The following PALM2AKAP2 variants were observed in gnomAD, a reference collection of about 807,000 sequenced individuals.
PALM2AKAP2 encodes PALM2 and AKAP2 fusion.
In PALM2AKAP2, 37 loss-of-function variants were observed where a neutral mutation model predicts 71.5. The observed-to-expected ratio is 0.52, with a 90% CI of 0.40 to 0.68. The LOEUF (loss-of-function observed/expected upper bound fraction) is 0.68. PALM2AKAP2 is among the 30% of genes least tolerant of loss of function. The probability of loss-of-function intolerance (pLI) is 0.00; values close to 1 mark genes in which losing one functional copy is unlikely to be tolerated. For missense variants in PALM2AKAP2, 1,224 were observed against 1,191.8 expected (o/e 1.03, Z -0.40); for synonymous variants, 468 against 478.8 (o/e 0.98, Z 0.29).
At chr9:109,902,050 G>T (rs1830342197) in intron 3 of PALM2AKAP2, among the ~76,000 whole-genome samples, 1 of 152,070 alleles carries the variant, frequency 6.6e-6, no homozygotes, top group African/African-American at 2.4e-5. Context: ...TCTTTCCCCA[G>T]GGTTCCCAAA....
intron 1 of PALM2AKAP2, among the ~76,000 whole-genome samples, chr9:109,678,476 A>G (rs1022987414): frequency 2.0e-5 from 3 of 152,340 alleles, no homozygotes; most frequent in South Asian, 2.1e-4. Context: ...CTCAATTTCA[A>G]TTGCCTTTCT....
At chr9:110,110,509 G>A (rs890725081) in intron 1 of PALM2AKAP2, among the ~76,000 whole-genome samples, 4 of 150,176 alleles carry the variant, frequency 2.7e-5, no homozygotes, top group Admixed American at 1.3e-4. Flanking sequence ...AGATGTGGAC[G>A]TGGTGTTTAT....
chr9:109,904,173 G>T (rs1830391771), intron 3 of PALM2AKAP2, among the ~76,000 whole-genome samples: 1 of 152,142 alleles, frequency 6.6e-6, no homozygotes, highest in Non-Finnish European at 1.5e-5. Context: ...TTAAACATTA[G>T]CTCATTTAAG....
chr9:109,817,594 A>G (rs533188797), intron 1 of PALM2AKAP2, among the ~76,000 whole-genome samples: 124 of 152,302 alleles, frequency 8.1e-4, no homozygotes, highest in African/African-American at 2.7e-3. Context: ...TACAGTGTCT[A>G]TGGGTTGAAA....
At chr9:109,783,326 T>C (rs1826870230) in intron 1 of PALM2AKAP2, among the ~76,000 whole-genome samples, 1 of 151,732 alleles carries the variant, frequency 6.6e-6, no homozygotes, top group Admixed American at 6.6e-5. Flanking sequence ...TAATGACTTT[T>C]TTTTTTTTTT....
At chr9:109,680,768 A>G (rs984944029) in intron 1 of PALM2AKAP2, among the ~76,000 whole-genome samples, 3 of 152,238 alleles carry the variant, frequency 2.0e-5, no homozygotes, top group African/African-American at 7.2e-5. Context: ...ATAATATAAT[A>G]TGAAAGTGTC....
chr9:109,892,183 C>A lies in PALM2AKAP2; in HGVS notation c.257+11502C>A, dbSNP rs149648458. 3.9e-5 allele frequency among the ~76,000 whole-genome samples: 6 copies of A among 152,290 alleles called. No homozygotes were observed. The East Asian group carries it at 1.2e-3, about 29-fold the overall frequency. ...GATACTGGCAGGGCTGTGCTTTCCC[C>A]AGAGCATCTAGAGGCAAATCCTTCC... On this transcript the variant is annotated intron_variant, in intron 3 of 9. Coordinates refer to the PALM2AKAP2 transcript ENST00000302798.
intron 1 of PALM2AKAP2, among the ~76,000 whole-genome samples, chr9:110,068,016 G>A (rs1476149895): frequency 6.7e-6 from 1 of 150,168 alleles, no homozygotes; most frequent in Non-Finnish European, 1.5e-5. Context: ...TGGCTTTTAG[G>A]CAAGTGAGCA....
chr9:110,091,611 T>C (rs113061601), intron 1 of PALM2AKAP2, among the ~76,000 whole-genome samples: 44,793 of 151,422 alleles, frequency 0.3, 7,707 homozygotes, highest in African/African-American at 0.48. Flanking sequence ...TATAGGCGCC[T>C]GCCTCCACAC....
intron 1 of PALM2AKAP2, among the ~76,000 whole-genome samples, chr9:109,846,508 C>G (rs1292469980): frequency 6.6e-6 from 1 of 152,208 alleles, no homozygotes; most frequent in East Asian, 1.9e-4. Flanking sequence ...GAGAAGGCAC[C>G]AGGCCTACTG....
At chr9:109,758,597 T>A (rs1056873733) in intron 1 of PALM2AKAP2, among the ~76,000 whole-genome samples, 3 of 136,382 alleles carry the variant, frequency 2.2e-5, no homozygotes, top group African/African-American at 8.3e-5. Context: ...TGTATTTGTA[T>A]TATTTTTTGC....
At chr9:109,709,670 C>T (rs759477007) in intron 1 of PALM2AKAP2, among the ~76,000 whole-genome samples, 1 of 152,114 alleles carries the variant, frequency 6.6e-6, no homozygotes, top group Non-Finnish European at 1.5e-5. Context: ...GCTTTGGTAG[C>T]ATGAATAGAA....
At chr9:109,769,786 C>T (rs898762447) in intron 1 of PALM2AKAP2, among the ~76,000 whole-genome samples, 1 of 152,068 alleles carries the variant, frequency 6.6e-6, no homozygotes, top group African/African-American at 2.4e-5. Flanking sequence ...ACTTGGGGTC[C>T]TGAAATCTAT....
chr9:109,914,094 CTGCAGTTATGTAAACATCCACAGGCA>C (rs1458490770), intron 3 of PALM2AKAP2, among the ~76,000 whole-genome samples: 1 of 152,166 alleles, frequency 6.6e-6, no homozygotes, highest in Non-Finnish European at 1.5e-5. Context: ...ATCCACAGGT[CTGCAGTTATGTAAACATCCACAGGCA>C]TGCAGTTAAG....
At chr9:110,136,670 G>C in exon 2 of PALM2AKAP2, 1 of 1,614,098 alleles carries the variant, frequency 6.2e-7, no homozygotes, top group South Asian at 1.1e-5. Context: ...TGCGCTGGGG[G>C]ACAGCCTGCA....
intron 1 of PALM2AKAP2, among the ~76,000 whole-genome samples, chr9:110,096,499 T>C (rs531507099): frequency 6.6e-6 from 1 of 151,832 alleles, no homozygotes; most frequent in African/African-American, 2.4e-5. Context: ...ACTCCTAGGC[T>C]CAAGTGATCT....
chr9:110,142,213 A>G (rs911731836), intron 2 of PALM2AKAP2, among the ~76,000 whole-genome samples: 1 of 151,864 alleles, frequency 6.6e-6, no homozygotes, highest in Non-Finnish European at 1.5e-5. Flanking sequence ...CTGGGATTAC[A>G]GGTGTCCATC....
chr9:109,715,664 T>C (rs575527772), intron 1 of PALM2AKAP2, among the ~76,000 whole-genome samples: 34 of 152,274 alleles, frequency 2.2e-4, no homozygotes, highest in African/African-American at 8.2e-4. Flanking sequence ...TTCCTTTCAG[T>C]TTGGTTAAAA....
intron 6 of PALM2AKAP2, among the ~76,000 whole-genome samples, chr9:109,967,335 C>T (rs1300194176): frequency 6.6e-6 from 1 of 152,188 alleles, no homozygotes; most frequent in Non-Finnish European, 1.5e-5. Context: ...AGCATCGCTT[C>T]TGCCACCTTC....
Sources: allele counts gnomAD v4.1 joint callset (sites outside exome capture counted in the v4.1 genomes callset), GRCh38; gene constraint gnomAD v4.1.1; transcripts MANE v1.5; gene names NCBI Gene and HGNC (gene_info 2026-07-23, HGNC 2026-07-21).